Variants in MDM1 observed in about 807,000 individuals in gnomAD.
MDM1 encodes the protein Mdm1 nuclear protein.
In MDM1, 61 loss-of-function variants were observed where a neutral mutation model predicts 89.1. The observed-to-expected ratio is 0.68, with a 90% CI of 0.56 to 0.85. MDM1 has a LOEUF of 0.85. Ranked by LOEUF, MDM1 falls within the 40% of genes least tolerant of loss-of-function variation. The pLI, the probability that MDM1 is intolerant of heterozygous loss-of-function variation, is 0.00. For synonymous variants in MDM1, 290 were observed against 294.1 expected (o/e 0.99, Z 0.14); for missense variants, 820 against 846.5 (o/e 0.97, Z 0.39).
At chr12:68,323,356 T>C in intron 4 of MDM1, 116 bp from the exon 5 acceptor site, 2 of 675,488 alleles carry the variant, frequency 3.0e-6, no homozygotes, top group Non-Finnish European at 2.4e-6. Context: ...AGCAAAGTTA[T>C]ATATGATTTT....
At chr12:68,311,810 A>G (rs568358382) in intron 12 of MDM1, among the ~76,000 whole-genome samples, 1 of 152,140 alleles carries the variant, frequency 6.6e-6, no homozygotes, top group Admixed American at 6.5e-5. Context: ...GCTTTCTCCA[A>G]TTCTTCTCCT....
At position 68,326,771 on chromosome 12, in the gene MDM1, A is replaced by G. The variant is rs2121152781; in HGVS notation, c.384T>C (p.Ala128=). The G allele has an allele frequency of 6.2e-7, 1 of 1,614,084 alleles. No homozygotes were observed. Among genetic ancestry groups the G allele is most frequent in the East Asian group, 2.2e-5 (1 of 44,884 alleles). The change falls in exon 3 of 15, where the codon GCT becomes GCC. Residue 128 remains alanine (A), a synonymous_variant. Coordinates refer to ENST00000682720, the MANE Select transcript of MDM1 (RefSeq NM_001354969.2). ...TATTTTCCACATCTGAAGCCCCTTC[A>G]GCTCTGGAGTCTGCAGAGTGAGATC... The part of the protein sequence containing the change: ...RTRSHSADSR[A]EGASDVENNE...
intron 2 of MDM1, among the ~76,000 whole-genome samples, chr12:68,329,338 C>A (rs10878808): frequency 1.3e-5 from 2 of 152,036 alleles, no homozygotes; most frequent in East Asian, 3.9e-4. Flanking sequence ...TTCTCTAGAC[C>A]AAATTCTGAA....
rs767191401 is a variant in MDM1 at position 68,326,984 on chromosome 12, T to C, written c.171A>G (p.Arg57=). ...AAATCTGTGGGTCATGGTAAGGGAC[T>C]CTTCTTTTTGAAATAAAACTTGGCT... ...TKEPSFISKR[R]VPYHDPQISK... is the part of the protein sequence containing the mutation. The change falls in exon 3 of 15, where the codon AGA becomes AGG. Residue 57 remains arginine (R), a synonymous_variant. Transcript: ENST00000682720. The C allele has an allele frequency of 5.6e-6, 9 of 1,603,326 alleles. No individual in the cohort carries two copies. In the African/African-American group the frequency reaches 1.1e-4, roughly 19 times the overall value.
At chr12:68,319,392 C>T (rs1874923533) in intron 7 of MDM1, among the ~76,000 whole-genome samples, 1 of 152,082 alleles carries the variant, frequency 6.6e-6, no homozygotes. Flanking sequence ...TATATGGACT[C>T]GAAAACTAAT....
chr12:68,327,365 T>C, intron 2 of MDM1: 2 of 1,530,880 alleles, frequency 1.3e-6, no homozygotes, highest in Non-Finnish European at 1.7e-6. Context: ...CTAATTACTT[T>C]CCTGTGCTAC....
chr12:68,297,305 G>C (rs984824283), intron 13 of MDM1, among the ~76,000 whole-genome samples: 2 of 152,190 alleles, frequency 1.3e-5, no homozygotes, highest in African/African-American at 4.8e-5. Flanking sequence ...CTTCTGATTA[G>C]AGATGGTAAA....
chr12:68,310,754 C>T lies in MDM1; in HGVS notation c.1749+2689G>A, dbSNP rs536891905. Among the ~76,000 whole-genome samples, 5 of 152,332 alleles carry T rather than the reference C, an allele frequency of 3.3e-5. No individual in the cohort carries two copies. The South Asian group carries it at 1.0e-3, about 32-fold the overall frequency. On this transcript the variant is annotated intron_variant, in intron 12 of 14. Coordinates refer to ENST00000682720, the MANE Select transcript of MDM1 (RefSeq NM_001354969.2). ...TAGAGGGTGCTCTGATCCCATCTCC[C>T]ACCTGTTCCCAATCCCTGAAAACTC...
At chr12:68,322,224 T>G (rs1467464736) in intron 5 of MDM1, among the ~76,000 whole-genome samples, 2 of 152,234 alleles carry the variant, frequency 1.3e-5, no homozygotes, top group Non-Finnish European at 2.9e-5. Context: ...CATGTTAGCC[T>G]GATTCTGCAA....
chr12:68,326,360 A>C, intron 3 of MDM1: 1 of 1,416,840 alleles, frequency 7.1e-7, no homozygotes, highest in Non-Finnish European at 9.2e-7. Context: ...CTCTGTCTCA[A>C]CTTGATCTCT....
intron 12 of MDM1, among the ~76,000 whole-genome samples, 192 bp downstream of exon 12, chr12:68,313,251 G>A (rs528225035): frequency 1.3e-5 from 2 of 152,300 alleles, no homozygotes; most frequent in South Asian, 2.1e-4. Flanking sequence ...GGTTGAAAGT[G>A]TATCAACAAA....
chr12:68,325,861 C>A, intron 3 of MDM1: 4 of 1,035,912 alleles, frequency 3.9e-6, no homozygotes, highest in East Asian at 7.8e-5. Flanking sequence ...ACTAATCATT[C>A]ATAATTAAAT....
At chr12:68,312,493 C>T (rs1873827039) in intron 12 of MDM1, among the ~76,000 whole-genome samples, 1 of 152,174 alleles carries the variant, frequency 6.6e-6, no homozygotes, top group Non-Finnish European at 1.5e-5. Context: ...TTCACTGCCA[C>T]CACCAAGGTC....
rs200814207 is a variant in MDM1 at position 68,321,328 on chromosome 12, T to G, written c.1005+19A>C. On this transcript the variant is annotated intron_variant, in intron 7 of 14. Transcript: ENST00000682720. Reference sequence around the variant, plus strand: ...AGGCTGAAAGAACATGTAGGCTTATTGAGGTCATGTACACTCACCTGATTT... The same window carrying G: ...AGGCTGAAAGAACATGTAGGCTTATGGAGGTCATGTACACTCACCTGATTT... 627 of 1,588,934 alleles carry G rather than the reference T, an allele frequency of 3.9e-4. No individual in the cohort carries two copies. The highest frequency in any genetic ancestry group is 5.0e-4 in the Non-Finnish European group (587 of 1,163,412).
At chr12:68,320,286 T>C (rs1875041227) in intron 7 of MDM1, among the ~76,000 whole-genome samples, 1 of 152,226 alleles carries the variant, frequency 6.6e-6, no homozygotes, top group Non-Finnish European at 1.5e-5. Flanking sequence ...TTGATTTCAC[T>C]AAGGTGAATA....
chr12:68,321,149 A>C, intron 7 of MDM1, 198 bp downstream of exon 7: 4 of 416,920 alleles, frequency 9.6e-6, no homozygotes, highest in Non-Finnish European at 1.7e-5. Flanking sequence ...AATAAATATT[A>C]ATTTCTGAAG....
chr12:68,302,989 A>ACC, intron 12 of MDM1, 117 bp from the exon 13 acceptor site: 1 of 806,080 alleles, frequency 1.2e-6, no homozygotes, highest in Non-Finnish European at 1.8e-6. Context: ...AATATGAGAG[A>ACC]ATTTATGCAA....
At chr12:68,329,514 A>C (rs1366713174) in intron 2 of MDM1, among the ~76,000 whole-genome samples, 2 of 152,208 alleles carry the variant, frequency 1.3e-5, no homozygotes, top group Non-Finnish European at 2.9e-5. Flanking sequence ...CTTAATAGGC[A>C]ACATCTCATT....
chr12:68,298,292 C>T (rs1188242817), intron 13 of MDM1, among the ~76,000 whole-genome samples: 1 of 152,162 alleles, frequency 6.6e-6, no homozygotes, highest in African/African-American at 2.4e-5. Flanking sequence ...CGCAAGAAAG[C>T]CAGCACCCTA....
Sources: gnomAD v4.1 joint callset for allele counts (sites outside exome capture counted in the v4.1 genomes callset) on GRCh38, gnomAD v4.1.1 for gene constraint, MANE v1.5 for transcripts, NCBI Gene and HGNC (gene_info 2026-07-23, HGNC 2026-07-21) for gene names.